The following MELK variants were observed in gnomAD, a reference collection of about 807,000 sequenced individuals.
The protein encoded by MELK is pEg3 kinase.
A neutral mutation model predicts 85.0 loss-of-function variants in MELK; 81 were observed. The ratio of observed to expected loss-of-function variants is 0.95; its 90% confidence interval spans 0.80 to 1.15. MELK has a LOEUF of 1.15. Among genes scored for constraint, MELK ranks in the 50% most tolerant of loss-of-function variants. The probability of loss-of-function intolerance (pLI) is 0.00; values close to 1 mark genes in which losing one functional copy is unlikely to be tolerated. For synonymous variants in MELK, 252 were observed against 265.0 expected (o/e 0.95, Z 0.48); for missense variants, 754 against 777.5 (o/e 0.97, Z 0.36).
At chr9:36,606,469 A>ATG (rs1397496188) in intron 7 of MELK, among the ~76,000 whole-genome samples, 1 of 140,694 alleles carries the variant, frequency 7.1e-6, no homozygotes, top group Non-Finnish European at 1.5e-5. Flanking sequence ...ATAGGTGTGT[A>ATG]TATATATACA....
chr9:36,596,588 TTG>T lies in MELK; in HGVS notation c.406-632_406-631del, dbSNP rs1419193689. 1.2e-4 allele frequency among the ~76,000 whole-genome samples: 13 copies of T among 105,850 alleles called. 1 individual carries two copies. Among genetic ancestry groups the T allele is most frequent in the African/African-American group, 6.2e-4 (10 of 16,174 alleles). The allele number at this position is 105,850 out of a possible 152,430, so 69.4% of individuals were successfully genotyped here. ...GTTTTTTTTGTTTTTTTTGTTTTTT[TTG>T]TTTTTTTTTTTTTGAGATGGAGTTT... On this transcript the variant is annotated intron_variant, in intron 5 of 17. Transcript: ENST00000298048.
intron 4 of MELK, among the ~76,000 whole-genome samples, chr9:36,594,221 T>C (rs1017551208): frequency 2.6e-5 from 4 of 152,188 alleles, no homozygotes. Flanking sequence ...CTGGTACAGA[T>C]TGAAAACCAC....
intron 8 of MELK, among the ~76,000 whole-genome samples, chr9:36,629,843 GTTT>G (rs11298711): frequency 1.8e-5 from 2 of 111,476 alleles, no homozygotes; most frequent in Admixed American, 9.7e-5. Flanking sequence ...GCAAGAAATT[GTTT>G]TTTTTTTTTT....
chr9:36,653,640 A>G (rs768117423), intron 12 of MELK, among the ~76,000 whole-genome samples: 5 of 152,198 alleles, frequency 3.3e-5, no homozygotes, highest in African/African-American at 9.6e-5. Context: ...TCAGGTTGCA[A>G]TGTAAATAAT....
rs545304614 is a variant in MELK at position 36,653,684 on chromosome 9, G to C, written c.1053+1807G>C. On this transcript the variant is annotated intron_variant, in intron 12 of 17. Transcript: ENST00000298048. ...TAGGAAATTGTACCTCATCCTCAGA[G>C]AAAGGTAGTTGGTTGGCCCTGTTTA... Among the ~76,000 whole-genome samples, 4 of 152,116 alleles carry C rather than the reference G, an allele frequency of 2.6e-5. No homozygotes were observed. The East Asian group carries it at 7.7e-4, about 29-fold the overall frequency.
intron 9 of MELK, among the ~76,000 whole-genome samples, chr9:36,632,440 A>G (rs1005957669): frequency 6.6e-6 from 1 of 152,098 alleles, no homozygotes; most frequent in Non-Finnish European, 1.5e-5. Flanking sequence ...TTCTTAGTGC[A>G]ATTTTTTTTT....
chr9:36,580,589 A>C (rs1822127850), intron 1 of MELK, among the ~76,000 whole-genome samples: 1 of 151,352 alleles, frequency 6.6e-6, no homozygotes, highest in Admixed American at 6.6e-5. Flanking sequence ...AAGTGCTGGG[A>C]TTACAGGTGT....
intron 9 of MELK, among the ~76,000 whole-genome samples, chr9:36,632,204 A>G (rs868767953): frequency 9.8e-5 from 15 of 152,314 alleles, no homozygotes; most frequent in South Asian, 2.1e-4. Flanking sequence ...GAAGATGCTG[A>G]TGCTGCAGGT....
At chr9:36,614,430 T>TTTTTG (rs572202282) in intron 8 of MELK, among the ~76,000 whole-genome samples, 19,475 of 143,932 alleles carry the variant, frequency 0.14, 1,658 homozygotes, top group African/African-American at 0.23. Flanking sequence ...TTTGGGTTTT[T>TTTTTG]TTTTTTTTTT....
Position 36,660,413 on chromosome 9 carries a change from G to A in MELK, c.1176+3050G>A, listed in dbSNP as rs1449157472. On this transcript the variant is annotated intron_variant, in intron 13 of 17. Transcript: ENST00000298048. ...GCTCACTGCAGCCTCGACCTCCTGG[G>A]CTTAAGCAATTTTCTTGCCTCAGCC... Among the ~76,000 whole-genome samples the A allele has an allele frequency of 3.3e-5, 5 of 151,586 alleles. No individual in the cohort carries two copies. In the East Asian group the frequency reaches 7.9e-4, roughly 24 times the overall value.
chr9:36,633,048 T>C, intron 9 of MELK, 54 bp from the exon 10 acceptor site: 1 of 1,259,756 alleles, frequency 7.9e-7, no homozygotes, highest in African/African-American at 1.5e-5. Flanking sequence ...GGAAAGGTGT[T>C]CTATGTTCTC....
rs73439116 is a variant in MELK, at chr9:36,635,017, A to G, written c.834+1817A>G. 7.0e-3 allele frequency among the ~76,000 whole-genome samples: 1,064 copies of G among 152,268 alleles called. 15 individuals carry two copies. The highest frequency in any genetic ancestry group is 0.025 in the African/African-American group (1,030 of 41,548). On this transcript the variant is annotated intron_variant, in intron 10 of 17. Transcript: ENST00000298048. ...AGTCATACAGGTGCTTTTCCTCGAG[A>G]CAGCTATCAAACTTTGGTATTGTAG...
intron 10 of MELK, among the ~76,000 whole-genome samples, chr9:36,642,724 C>T (rs181146163): frequency 3.3e-5 from 5 of 152,132 alleles, no homozygotes; most frequent in South Asian, 2.1e-4. Flanking sequence ...CTATTGTGCC[C>T]GGCATTGTAC....
In MELK at chr9:36,628,426, A is replaced by AT. The variant is rs954389548; in HGVS notation, c.667-1861dup. Among the ~76,000 whole-genome samples, 615 of 147,072 alleles carry AT rather than the reference A, an allele frequency of 4.2e-3. 4 individuals carry two copies. Among genetic ancestry groups the AT allele is most frequent in the African/African-American group, 0.013 (534 of 40,406 alleles). On this transcript the variant is annotated intron_variant, in intron 8 of 17. Transcript: ENST00000298048. The stretch of plus-strand genomic sequence containing the variant: ...AATTTGTTGTTAACTTTGTTAATGA[A>AT]TTTTTTTTTTTTGAGACGGAATCTT...
rs1013769879 is a variant in MELK at position 36,671,380 on chromosome 9, T to A, written c.1674+214T>A. Among the ~76,000 whole-genome samples, 5 of 152,296 alleles carry A rather than the reference T, an allele frequency of 3.3e-5. No homozygotes were observed. In the South Asian group the frequency reaches 6.2e-4, roughly 19 times the overall value. ...CCCTTCAAGGAGCAAACAGCTATCA[T>A]TCAAATATTCAAGAACAGGTGGAGG... On this transcript the variant is annotated intron_variant, in intron 16 of 17. Transcript: ENST00000298048.
chr9:36,658,402 T>A (rs1831463331), intron 13 of MELK, among the ~76,000 whole-genome samples: 1 of 152,160 alleles, frequency 6.6e-6, no homozygotes, highest in South Asian at 2.1e-4. Context: ...TTCTTCTGCT[T>A]ACTGAAAGTT....
intron 8 of MELK, among the ~76,000 whole-genome samples, chr9:36,611,686 G>C (rs892804129): frequency 1.3e-5 from 2 of 151,740 alleles, no homozygotes; most frequent in Non-Finnish European, 2.9e-5. Flanking sequence ...CACGGCATAG[G>C]GTTGTTGTGA....
rs5897643 is a variant in MELK, at chr9:36,666,853, TTGTGTGTGTGTGTGTGTG to T, written c.1408+1309_1408+1326del. 2.5e-3 allele frequency among the ~76,000 whole-genome samples: 330 copies of T among 130,832 alleles called. 1 individual carries two copies. Among genetic ancestry groups the T allele is most frequent in the Middle Eastern group, 7.5e-3 (2 of 266 alleles). The allele number at this position is 130,832 out of a possible 152,430, so 85.8% of individuals were successfully genotyped here. A position where few individuals can be genotyped will look rare whatever the true frequency, so the allele number is the denominator to read the frequency against. ...TTTGGTGTCCTGATGATGTCTGTGTTTGTGTGTGTGTGTGTGTGTGTGTGTGTGTGTGTGTGTGTGTGT... is the reference window on the plus strand; with the variant it reads ...TTTGGTGTCCTGATGATGTCTGTGTTTGTGTGTGTGTGTGTGTGTGTGTGT... On this transcript the variant is annotated intron_variant, in intron 14 of 17. Coordinates refer to ENST00000298048, the MANE Select transcript of MELK (RefSeq NM_014791.4).
In MELK at chr9:36,642,418, C is replaced by CTTTTT. The variant is rs34671966; in HGVS notation, c.835-555_835-551dup. 1.9e-4 allele frequency among the ~76,000 whole-genome samples: 16 copies of CTTTTT among 84,788 alleles called. 2 individuals carry two copies. Among genetic ancestry groups the CTTTTT allele is most frequent in the South Asian group, 4.7e-4 (1 of 2,110 alleles). 55.6% of individuals were successfully genotyped at this position (84,788 alleles called of 152,430 possible). A position where few individuals can be genotyped will look rare whatever the true frequency, so the allele number is the denominator to read the frequency against. ...ACAGTCCCTGGGCTGTACAACAGAA[C>CTTTTT]TTTTTTTTTTTTTTTTTTTTTTTTT... On this transcript the variant is annotated intron_variant, in intron 10 of 17. Transcript: ENST00000298048.
Sources: allele counts gnomAD v4.1 joint callset (sites outside exome capture counted in the v4.1 genomes callset), GRCh38; gene constraint gnomAD v4.1.1; transcripts MANE v1.5; gene names NCBI Gene and HGNC (gene_info 2026-07-23, HGNC 2026-07-21).